TFAP2A: variants seen among roughly 807,000 people sequenced by gnomAD.
TFAP2A encodes the protein transcription factor AP-2-alpha.
TFAP2A carries 7 observed loss-of-function variants against 41.5 expected under a neutral mutation model. That is an observed-to-expected ratio of 0.17 (90% CI 0.10 to 0.32). The LOEUF (loss-of-function observed/expected upper bound fraction) is 0.32, where lower values mean the gene tolerates loss of function less well. TFAP2A is among the 10% of genes least tolerant of loss of function. The pLI, the probability that TFAP2A is intolerant of heterozygous loss-of-function variation, is 1.00. For synonymous variants in TFAP2A, 247 were observed against 242.8 expected (o/e 1.02, Z -0.16); for missense variants, 416 against 563.3 (o/e 0.74, Z 2.65).
chr6:10,397,642 T>C lies in TFAP2A; in HGVS notation c.*775A>G, dbSNP rs934727559. 1 of 154,098 alleles carries C rather than the reference T, an allele frequency of 6.5e-6. No homozygotes were observed. Among genetic ancestry groups the C allele is most frequent in the African/African-American group, 2.7e-5 (1 of 36,722 alleles). The allele number at this position is 154,098 out of a possible 1,614,324, so 9.5% of individuals were successfully genotyped here. On this transcript the variant is annotated 3_prime_UTR_variant, in exon 7 of 7. Transcript: ENST00000379613. Reference sequence around the variant, plus strand: ...GATTCAAAACCCACTAAACAAGAGGTAAACAAGATCAGATAAATAAAAAAA... The same window carrying C: ...GATTCAAAACCCACTAAACAAGAGGCAAACAAGATCAGATAAATAAAAAAA...
chr6:10,404,664 C>G lies in TFAP2A; in HGVS notation c.614G>C (p.Gly205Ala). The G allele has an allele frequency of 3.7e-6, 6 of 1,614,216 alleles. No individual in the cohort carries two copies. The highest frequency in any genetic ancestry group is 5.1e-6 in the Non-Finnish European group (6 of 1,180,034). The change falls in exon 4 of 7, where the codon GGC (glycine) becomes GCC (alanine). Residue 205 changes from glycine (G) to alanine (A), a missense_variant. By Grantham distance (60) the Gly-to-Ala change is moderately conservative. Coordinates refer to ENST00000379613, the MANE Select transcript of TFAP2A (RefSeq NM_001372066.1). ...GAAGACTTCGTTGGGGTTCACCACG[C>G]CGCCGAAGAGGTTGTCCTTGTTAAT... ...IPINKDNLFG[G>A]VVNPNEVFCS... is the part of the protein sequence containing the mutation.
At chr6:10,406,639 ATTAT>A (rs1757726388) in intron 3 of TFAP2A, 150 bp downstream of exon 3, 10 of 698,834 alleles carry the variant, frequency 1.4e-5, no homozygotes, top group Admixed American at 4.2e-5. Flanking sequence ...CTGAAGGCTG[ATTAT>A]TTAAGCATTG....
chr6:10,419,349 C>T, upstream of TFAP2A: 4 of 1,574,212 alleles, frequency 2.5e-6, no homozygotes, highest in South Asian at 2.2e-5. Flanking sequence ...TCTCCTCCTC[C>T]CCGCTCCGGC....
Position 10,398,093 on chromosome 6 carries a change from A to T in TFAP2A, c.*324T>A. The T allele has an allele frequency of 1.7e-6, 2 of 1,191,696 alleles. No individual in the cohort carries two copies. Among genetic ancestry groups the T allele is most frequent in the Non-Finnish European group, 1.0e-6 (1 of 959,938 alleles). The allele number at this position is 1,191,696 out of a possible 1,614,324, so 73.8% of individuals were successfully genotyped here. The stretch of plus-strand genomic sequence containing the variant: ...ATTTGTTGTTTTGTTTAAAAAAAAA[A>T]GGGTTCACAAACTTGGCAGAACTTT... On this transcript the variant is annotated 3_prime_UTR_variant, in exon 7 of 7. Transcript: ENST00000379613. The surrounding 1 kb of genome is among the most constrained non-coding windows in gnomAD (Gnocchi z 5.3).
At chr6:10,416,206 A>T (rs566282401), upstream of TFAP2A, 1 of 152,184 alleles carries the variant, frequency 6.6e-6, no homozygotes. Flanking sequence ...TTTTCCCAAG[A>T]TTCCCCTTTT....
chr6:10,417,038 G>T (rs1249675808), upstream of TFAP2A: 1 of 152,528 alleles, frequency 6.6e-6, no homozygotes, highest in African/African-American at 2.4e-5. Context: ...CCTGTCGCCA[G>T]TGCAGTGGTT....
At chr6:10,400,318 TG>T in intron 6 of TFAP2A, 129 bp downstream of exon 6, 2 of 1,117,324 alleles carry the variant, frequency 1.8e-6, no homozygotes, top group Non-Finnish European at 2.7e-6. Flanking sequence ...ATATATAAGA[TG>T]GTGTTATAAC....
At position 10,398,720 on chromosome 6, in the gene TFAP2A, G is replaced by A; in HGVS notation, c.1032-15C>T. On this transcript the variant is annotated splice_polypyrimidine_tract_variant and intron_variant, in intron 6 of 6. Coordinates refer to ENST00000379613, the MANE Select transcript of TFAP2A (RefSeq NM_001372066.1). This position sits in a 1 kb window ranked among gnomAD's most constrained non-coding sequence, Gnocchi z 5.3. ...TGCATATCTGTCTGCAGCACAAGTG[G>A]AGCAGAGAGAGAGACATAAGGCTCC... 6.2e-7 allele frequency: 1 copy of A among 1,613,722 alleles called. No homozygotes were observed. The highest frequency in any genetic ancestry group is 8.5e-7 in the Non-Finnish European group (1 of 1,179,816).
rs897507137 is a variant in TFAP2A, at chr6:10,414,963, T to C, written c.29A>G (p.Asn10Ser). The change falls in exon 1 of 7, where the codon AAT (asparagine) becomes AGT (serine). Residue 10 changes from asparagine to serine, a missense_variant. By Grantham distance (46) the Asn-to-Ser change is conservative. Coordinates refer to ENST00000379613, the MANE Select transcript of TFAP2A (RefSeq NM_001372066.1). MKMLWKLTD[N>S]IKYEDCEDRH... is the part of the protein sequence containing the mutation. ...TACCTCGCAGTCCTCGTACTTGATA[T>C]TATCCGTCAATTTCCAAAGCATTTT... 2 of 1,613,836 alleles carry C rather than the reference T, an allele frequency of 1.2e-6. No individual in the cohort carries two copies. The highest frequency in any genetic ancestry group is 1.3e-5 in the African/African-American group (1 of 74,818).
chr6:10,399,010 A>G (rs1761902459), intron 6 of TFAP2A, among the ~76,000 whole-genome samples: 1 of 152,246 alleles, frequency 6.6e-6, no homozygotes, highest in East Asian at 1.9e-4. Flanking sequence ...TAGACATAGG[A>G]AACCATTTCA....
rs192549274 is a variant in TFAP2A, at chr6:10,406,864, A to G, written c.487-20T>C. On this transcript the variant is annotated intron_variant, in intron 2 of 6. Coordinates refer to ENST00000379613, the MANE Select transcript of TFAP2A (RefSeq NM_001372066.1). ...TACATGCTGCAACAAAAGGATACAC[A>G]TGGATGTAAGTGTATCATCAAAACA... The G allele has an allele frequency of 2.9e-4, 462 of 1,588,656 alleles. No homozygotes were observed. Among genetic ancestry groups the G allele is most frequent in the Non-Finnish European group, 3.4e-4 (399 of 1,156,668 alleles).
chr6:10,406,516 C>G (rs1757719216), intron 3 of TFAP2A: 1 of 498,888 alleles, frequency 2.0e-6, no homozygotes, highest in Admixed American at 3.4e-5. Flanking sequence ...ATGCCACTTC[C>G]AAATCAGTTC....
At chr6:10,404,966 C>T (rs1486625615) in intron 3 of TFAP2A, 8 of 594,348 alleles carry the variant, frequency 1.3e-5, no homozygotes, top group Admixed American at 3.0e-5. Context: ...CTCCCCCAGC[C>T]AGCCTGGCCT....
In TFAP2A at chr6:10,398,765, G is replaced by T; in HGVS notation, c.1032-60C>A. ...GGCTCCACTATGGGCAGCACTAGCA[G>T]CAAAGAGAAAACCTCCCTCCCTGCA... On this transcript the variant is annotated intron_variant, in intron 6 of 6. Coordinates refer to ENST00000379613, the MANE Select transcript of TFAP2A (RefSeq NM_001372066.1). This position sits in a 1 kb window ranked among gnomAD's most constrained non-coding sequence, Gnocchi z 5.3. 1.3e-6 allele frequency: 2 copies of T among 1,587,532 alleles called. No homozygotes were observed. The highest frequency in any genetic ancestry group is 2.2e-5 in the South Asian group (2 of 89,428).
intron 1 of TFAP2A, chr6:10,411,084 G>A (rs1757947343): frequency 1.5e-5 from 2 of 134,208 alleles, no homozygotes. Flanking sequence ...GCCCCAAAGG[G>A]CAGAAGAAAC....
At chr6:10,411,653 G>T in intron 1 of TFAP2A, 1 of 1,611,496 alleles carries the variant, frequency 6.2e-7, no homozygotes, top group South Asian at 1.1e-5. Context: ...AGCCTGGAGC[G>T]CCCGGCTGCC....
At position 10,410,180 on chromosome 6, in the gene TFAP2A, G is replaced by C. The variant is rs1447190824; in HGVS notation, c.207C>G (p.Pro69=). The change falls in exon 2 of 7, where the codon CCC becomes CCG. Residue 69 remains proline, a synonymous_variant. Transcript: ENST00000379613. Reference sequence around the variant, plus strand: ...CGTGGGAGTAAGGATCTTGCGACTGGGGGTAGATAGGCTGGTAGGGTGGGG... The same window carrying C: ...CGTGGGAGTAAGGATCTTGCGACTGCGGGTAGATAGGCTGGTAGGGTGGGG... ...YFPPPYQPIY[P]QSQDPYSHVN... 6.3e-7 allele frequency: 1 copy of C among 1,596,952 alleles called. No individual in the cohort carries two copies. Among genetic ancestry groups the C allele is most frequent in the Admixed American group, 1.7e-5 (1 of 59,174 alleles).
At position 10,397,726 on chromosome 6, in the gene TFAP2A, A is replaced by G. The variant is rs1205517569; in HGVS notation, c.*691T>C. On this transcript the variant is annotated 3_prime_UTR_variant, in exon 7 of 7. Coordinates refer to ENST00000379613, the MANE Select transcript of TFAP2A (RefSeq NM_001372066.1). ...TTCCCATTAAATTACACATAAATAA[A>G]TATATACAGAGACGTGAACACTGAT... The G allele has an allele frequency of 8.4e-6, 3 of 358,008 alleles. No individual in the cohort carries two copies. The highest frequency in any genetic ancestry group is 6.7e-5 in the African/African-American group (3 of 45,032). 22.2% of individuals were successfully genotyped at this position (358,008 alleles called of 1,614,324 possible). A position where few individuals can be genotyped will look rare whatever the true frequency, so the allele number is the denominator to read the frequency against.
At chr6:10,414,347 T>G (rs547626047) in intron 1 of TFAP2A, among the ~76,000 whole-genome samples, 1 of 152,130 alleles carries the variant, frequency 6.6e-6, no homozygotes, top group African/African-American at 2.4e-5. Flanking sequence ...CTGGGATCAG[T>G]GGTCTTAAGT....
Sources: allele counts gnomAD v4.1 joint callset (sites outside exome capture counted in the v4.1 genomes callset), GRCh38; gene constraint gnomAD v4.1.1; non-coding constraint Gnocchi (gnomAD v3.1); transcripts MANE v1.5; gene names NCBI Gene and HGNC (gene_info 2026-07-23, HGNC 2026-07-21).